The following BORCS5 variants were observed in gnomAD, a reference collection of about 807,000 sequenced individuals.
BORCS5 encodes the protein BLOC-1-related complex subunit 5.
Under a neutral mutation model 22.1 loss-of-function variants are expected in BORCS5, and 17 were observed. The observed-to-expected ratio is 0.77, with a 90% CI of 0.53 to 1.15. The LOEUF (loss-of-function observed/expected upper bound fraction) is 1.15. Among genes scored for constraint, BORCS5 ranks in the 50% most tolerant of loss-of-function variants. The pLI is 0.00. For missense variants in BORCS5, 247 were observed against 253.2 expected (o/e 0.98, Z 0.17); for synonymous variants, 117 against 99.8 (o/e 1.17, Z -1.03).
intron 2 of BORCS5, among the ~76,000 whole-genome samples, chr12:12,366,079 G>A (rs900793628): frequency 1.3e-5 from 2 of 152,062 alleles, no homozygotes; most frequent in Admixed American, 6.6e-5. Context: ...CATCACTGTC[G>A]CCTTTATACT....
chr12:12,357,126 A>G lies in BORCS5; in HGVS notation c.-326A>G. On this transcript the variant is annotated 5_prime_UTR_variant, in exon 1 of 4. Transcript: ENST00000314565. ...CTTGCGGAGCGTGAACCAGTGAGTGAAAGCGGCGCCGCCCGCCGGCCGCAG... is the reference window on the plus strand; with the variant it reads ...CTTGCGGAGCGTGAACCAGTGAGTGGAAGCGGCGCCGCCCGCCGGCCGCAG... The G allele has an allele frequency of 6.5e-7, 1 of 1,534,158 alleles. No homozygotes were observed.
intron 2 of BORCS5, among the ~76,000 whole-genome samples, chr12:12,363,174 G>C (rs1298976173): frequency 1.3e-5 from 2 of 151,866 alleles, no homozygotes; most frequent in Non-Finnish European, 2.9e-5. Context: ...GCACATACCT[G>C]TCGTCCCAGC....
intron 2 of BORCS5, among the ~76,000 whole-genome samples, chr12:12,418,214 T>C (rs149243725): frequency 0.018 from 2,549 of 140,802 alleles, 77 homozygotes; most frequent in African/African-American, 0.063. Flanking sequence ...TTTTTTTTTG[T>C]TTTTTTAGTG....
intron 2 of BORCS5, among the ~76,000 whole-genome samples, chr12:12,377,694 G>A (rs948112902): frequency 2.0e-5 from 3 of 152,162 alleles, no homozygotes; most frequent in Admixed American, 2.0e-4. Context: ...AACCAAATGA[G>A]TAGTGCATTC....
chr12:12,369,543 C>T (rs1292780036), intron 2 of BORCS5, among the ~76,000 whole-genome samples: 1 of 151,758 alleles, frequency 6.6e-6, no homozygotes, highest in East Asian at 1.9e-4. Flanking sequence ...ATTTTAGTTT[C>T]TTTTCTGGCT....
At chr12:12,427,123 A>C (rs1038919807) in intron 2 of BORCS5, among the ~76,000 whole-genome samples, 3 of 151,972 alleles carry the variant, frequency 2.0e-5, no homozygotes, top group African/African-American at 7.3e-5. Flanking sequence ...CGCACATCAC[A>C]AAATTCTCTC....
At chr12:12,377,461 G>A (rs190613179) in intron 2 of BORCS5, among the ~76,000 whole-genome samples, 24 of 152,198 alleles carry the variant, frequency 1.6e-4, no homozygotes, top group Middle Eastern at 3.4e-3. Flanking sequence ...TTACAGGCAT[G>A]AGCTACCATG....
rs375219616 is a variant in BORCS5 at position 12,430,258 on chromosome 12, C to A, written c.203-5370C>A. On this transcript the variant is annotated intron_variant, in intron 2 of 3. Coordinates refer to ENST00000314565, the MANE Select transcript of BORCS5 (RefSeq NM_058169.6). ...CTCTGCCTCCTGGGTTCACGCCATT[C>A]TCCTGCCTCAGCCTCCCGAGTAGCT... is the stretch of plus-strand genomic sequence containing the variant. 2.8e-4 allele frequency among the ~76,000 whole-genome samples: 41 copies of A among 146,804 alleles called. No homozygotes were observed. The East Asian group carries it at 5.7e-3, about 21-fold the overall frequency.
Position 12,364,037 on chromosome 12 carries a change from A to G in BORCS5, c.202+2688A>G, listed in dbSNP as rs571704522. Among the ~76,000 whole-genome samples, 6 of 152,308 alleles carry G rather than the reference A, an allele frequency of 3.9e-5. No individual in the cohort carries two copies. The South Asian group carries it at 8.3e-4, about 21-fold the overall frequency. On this transcript the variant is annotated intron_variant, in intron 2 of 3. Coordinates refer to ENST00000314565, the MANE Select transcript of BORCS5 (RefSeq NM_058169.6). ...TGTGTTATATGTTATTATATACTAT[A>G]TTATTACAATAAAGTAAACTAGAGA...
At chr12:12,374,440 C>T (rs2136034333) in intron 2 of BORCS5, among the ~76,000 whole-genome samples, 1 of 150,692 alleles carries the variant, frequency 6.6e-6, no homozygotes, top group Admixed American at 6.6e-5. Flanking sequence ...TGAGACCAGC[C>T]TGAACAACAT....
At chr12:12,459,645 A>G (rs768016386) in intron 3 of BORCS5, among the ~76,000 whole-genome samples, 6 of 152,196 alleles carry the variant, frequency 3.9e-5, no homozygotes, top group Non-Finnish European at 8.8e-5. Context: ...ATTTTCTTCT[A>G]GAAGTTTTAT....
intron 3 of BORCS5, among the ~76,000 whole-genome samples, chr12:12,463,196 G>A (rs562092928): frequency 4.8e-4 from 73 of 152,280 alleles, no homozygotes; most frequent in African/African-American, 1.7e-3. Context: ...CATGTGTCTG[G>A]GGGTTCGTGG....
chr12:12,430,672 T>G (rs1942399995), intron 2 of BORCS5, among the ~76,000 whole-genome samples: 2 of 152,150 alleles, frequency 1.3e-5, no homozygotes, highest in Non-Finnish European at 2.9e-5. Flanking sequence ...TTAAAAAAAG[T>G]TCTGTTAAAA....
At chr12:12,428,252 C>A (rs570911374) in intron 2 of BORCS5, among the ~76,000 whole-genome samples, 1 of 152,336 alleles carries the variant, frequency 6.6e-6, no homozygotes, top group South Asian at 2.1e-4. Flanking sequence ...TTCCCCCCAC[C>A]TGACATCTCA....
intron 3 of BORCS5, among the ~76,000 whole-genome samples, chr12:12,458,755 G>A (rs1276872538): frequency 6.6e-6 from 1 of 151,338 alleles, no homozygotes; most frequent in Non-Finnish European, 1.5e-5. Context: ...GGTGGATCAT[G>A]TGGTCAGGAG....
At chr12:12,424,130 T>G (rs1209032833) in intron 2 of BORCS5, among the ~76,000 whole-genome samples, 2 of 152,192 alleles carry the variant, frequency 1.3e-5, no homozygotes, top group Non-Finnish European at 2.9e-5. Context: ...AGATGTTTTC[T>G]CTCCCTTTCT....
In BORCS5 at chr12:12,470,373, C is replaced by T. The variant is rs890234169; in HGVS notation, c.*4597C>T. On this transcript the variant is annotated 3_prime_UTR_variant, in exon 4 of 4. Coordinates refer to ENST00000314565, the MANE Select transcript of BORCS5 (RefSeq NM_058169.6). ...GTGAGCCACTGCACCTGGCCAGCTT[C>T]GTGTGTATTTATAGCTGCTCCCCAT... Among the ~76,000 whole-genome samples, 2 of 152,146 alleles carry T rather than the reference C, an allele frequency of 1.3e-5. No homozygotes were observed. The highest frequency in any genetic ancestry group is 3.4e-3 in the Middle Eastern group (1 of 294).
chr12:12,423,692 T>G (rs12828675), intron 2 of BORCS5, among the ~76,000 whole-genome samples: 1 of 150,850 alleles, frequency 6.6e-6, no homozygotes, highest in African/African-American at 2.4e-5. Context: ...CTCGTTGTCT[T>G]TTTGTTTGTT....
chr12:12,395,264 AATT>A (rs148207640), intron 2 of BORCS5, among the ~76,000 whole-genome samples: 4 of 150,508 alleles, frequency 2.7e-5, no homozygotes, highest in African/African-American at 4.9e-5. Context: ...AGGATGAGAC[AATT>A]ATTATTATTA....
Sources: gnomAD v4.1 joint callset for allele counts (sites outside exome capture counted in the v4.1 genomes callset) on GRCh38, gnomAD v4.1.1 for gene constraint, MANE v1.5 for transcripts, NCBI Gene and HGNC (gene_info 2026-07-23, HGNC 2026-07-21) for gene names.